Variants in CUL5 observed in about 807,000 individuals in gnomAD.
The protein encoded by CUL5 is cullin-5.
CUL5 carries 26 observed loss-of-function variants against 108.8 expected under a neutral mutation model. That is an observed-to-expected ratio of 0.24 (90% CI 0.18 to 0.33). The LOEUF is 0.33. Among genes scored for constraint, CUL5 ranks in the 10% least tolerant of loss-of-function variants. The pLI is 1.00. For missense variants in CUL5, 524 were observed against 909.2 expected (o/e 0.58, Z 5.45); for synonymous variants, 334 against 298.0 (o/e 1.12, Z -1.25).
Position 108,044,566 on chromosome 11 carries a change from GTTGTT to G in CUL5, c.135-1701_135-1697del, listed in dbSNP as rs1240513912. ...ATTATTGACATGTTGTAATTCTGGAGTTGTTTTATTTGGATTTCTTTGACTTTTTT... is the reference window on the plus strand; with the variant it reads ...ATTATTGACATGTTGTAATTCTGGAGTTATTTGGATTTCTTTGACTTTTTT... On this transcript the variant is annotated intron_variant, in intron 2 of 18. Transcript: ENST00000393094. 2.6e-5 allele frequency among the ~76,000 whole-genome samples: 4 copies of G among 151,718 alleles called. No individual in the cohort carries two copies. In the East Asian group the frequency reaches 7.7e-4, roughly 29 times the overall value.
intron 13 of CUL5, among the ~76,000 whole-genome samples, chr11:108,091,344 C>T (rs1864353741): frequency 6.7e-6 from 1 of 149,484 alleles, no homozygotes; most frequent in Non-Finnish European, 1.5e-5. Flanking sequence ...AGCCACCACA[C>T]CCGGCCTATG....
intron 7 of CUL5, among the ~76,000 whole-genome samples, chr11:108,065,803 T>A (rs1383764328): frequency 6.6e-6 from 1 of 152,146 alleles, no homozygotes; most frequent in Non-Finnish European, 1.5e-5. Context: ...AGGTGTTTTT[T>A]TGTGTGTAGA....
At chr11:108,049,609 C>A (rs1863159044) in intron 3 of CUL5, among the ~76,000 whole-genome samples, 1 of 152,086 alleles carries the variant, frequency 6.6e-6, no homozygotes, top group Non-Finnish European at 1.5e-5. Flanking sequence ...TCCCAAAGTG[C>A]TGGGACTACT....
At chr11:108,032,581 G>GTCTC (rs371413301) in intron 1 of CUL5, among the ~76,000 whole-genome samples, 8 of 150,152 alleles carry the variant, frequency 5.3e-5, no homozygotes, top group African/African-American at 1.9e-4. Context: ...CACATATGGG[G>GTCTC]TCTCTCTCTC....
In CUL5 at chr11:108,107,220, A is replaced by G. The variant is rs556330212; in HGVS notation, c.*2836A>G. On this transcript the variant is annotated 3_prime_UTR_variant, in exon 19 of 19. Coordinates refer to ENST00000393094, the MANE Select transcript of CUL5 (RefSeq NM_003478.6). Reference sequence around the variant, plus strand: ...TGCATAAATGTTAAACCTTCCAAAAATGAAATGTTAGCTTTCTTTCTTTTA... The same window carrying G: ...TGCATAAATGTTAAACCTTCCAAAAGTGAAATGTTAGCTTTCTTTCTTTTA... 6 of 152,228 alleles carry G rather than the reference A, an allele frequency of 3.9e-5. No individual in the cohort carries two copies. Among genetic ancestry groups the G allele is most frequent in the African/African-American group, 9.6e-5 (4 of 41,514 alleles). 9.4% of individuals were successfully genotyped at this position (152,228 alleles called of 1,614,324 possible).
chr11:108,009,444 C>T, intron 1 of CUL5, 72 bp downstream of exon 1: 1 of 1,531,352 alleles, frequency 6.5e-7, no homozygotes, highest in Non-Finnish European at 9.0e-7. Context: ...AGGCACGGCT[C>T]AGGTTCAGCT....
At chr11:108,103,827 ACTTT>A (rs1170455627) in intron 18 of CUL5, among the ~76,000 whole-genome samples, 1 of 152,094 alleles carries the variant, frequency 6.6e-6, no homozygotes, top group Non-Finnish European at 1.5e-5. Flanking sequence ...TTAAATACAT[ACTTT>A]AAGTTCTGGG....
At chr11:108,074,770 C>T (rs1040773283) in intron 10 of CUL5, among the ~76,000 whole-genome samples, 1 of 152,056 alleles carries the variant, frequency 6.6e-6, no homozygotes, top group Non-Finnish European at 1.5e-5. Context: ...CGTGCCATTG[C>T]ACTCCAGCCT....
At chr11:108,067,144 G>A (rs1209215762) in intron 7 of CUL5, among the ~76,000 whole-genome samples, 1 of 152,320 alleles carries the variant, frequency 6.6e-6, no homozygotes, top group South Asian at 2.1e-4. Flanking sequence ...TCCTCATAAA[G>A]TAAGTATCTG....
At chr11:108,009,424 T>C in intron 1 of CUL5, 52 bp downstream of exon 1, 1 of 1,603,628 alleles carries the variant, frequency 6.2e-7, no homozygotes, top group Non-Finnish European at 8.5e-7. Flanking sequence ...CGGGTTCGGC[T>C]CTTTGGGAAA....
intron 7 of CUL5, among the ~76,000 whole-genome samples, chr11:108,068,307 ACCT>A (rs1423022393): frequency 6.6e-6 from 1 of 150,486 alleles, no homozygotes; most frequent in Non-Finnish European, 1.5e-5. Flanking sequence ...GCCTGAAAAA[ACCT>A]TTTTTTTTGT....
At chr11:108,015,475 G>A (rs954689718) in intron 1 of CUL5, among the ~76,000 whole-genome samples, 4 of 152,298 alleles carry the variant, frequency 2.6e-5, no homozygotes, top group African/African-American at 9.6e-5. Context: ...TTAAGAACTT[G>A]TCAATTTTTC....
At chr11:108,034,260 A>G (rs1172906141) in intron 2 of CUL5, among the ~76,000 whole-genome samples, 2 of 152,220 alleles carry the variant, frequency 1.3e-5, no homozygotes, top group Non-Finnish European at 2.9e-5. Flanking sequence ...TAATTTTTCC[A>G]GCAATGATTG....
chr11:108,058,310 G>T (rs2135148675), intron 7 of CUL5, among the ~76,000 whole-genome samples: 1 of 126,476 alleles, frequency 7.9e-6, no homozygotes, highest in African/African-American at 3.1e-5. Flanking sequence ...GTGCAGTAGT[G>T]CAGTCTCCGC....
intron 2 of CUL5, among the ~76,000 whole-genome samples, chr11:108,034,766 G>C (rs1213873513): frequency 6.6e-6 from 1 of 152,158 alleles, no homozygotes; most frequent in African/African-American, 2.4e-5. Context: ...ATCCCTTTCA[G>C]TAATGAAAAT....
chr11:108,029,791 T>G (rs1862533340), intron 1 of CUL5, among the ~76,000 whole-genome samples: 1 of 152,236 alleles, frequency 6.6e-6, no homozygotes, highest in Non-Finnish European at 1.5e-5. Context: ...TGTTTCCTGG[T>G]ACTTAACAAT....
chr11:108,026,060 C>G (rs1195621767), intron 1 of CUL5, among the ~76,000 whole-genome samples: 1 of 152,198 alleles, frequency 6.6e-6, no homozygotes, highest in Admixed American at 6.5e-5. Context: ...AAGTCTCTTT[C>G]TCTTTTCACC....
intron 11 of CUL5, among the ~76,000 whole-genome samples, chr11:108,083,643 T>A (rs564488877): frequency 4.6e-5 from 7 of 152,198 alleles, no homozygotes; most frequent in African/African-American, 7.2e-5. Flanking sequence ...TTTTAAAAAT[T>A]AGACGAGCAT....
chr11:108,028,947 G>C (rs1476912507), intron 1 of CUL5, among the ~76,000 whole-genome samples: 2 of 152,310 alleles, frequency 1.3e-5, no homozygotes, highest in Middle Eastern at 3.4e-3. Context: ...ACAAGATCCA[G>C]CTCAGTAAGA....
Sources: allele counts gnomAD v4.1 joint callset (sites outside exome capture counted in the v4.1 genomes callset), GRCh38; gene constraint gnomAD v4.1.1; transcripts MANE v1.5; gene names NCBI Gene and HGNC (gene_info 2026-07-23, HGNC 2026-07-21).